SSBP3: variants seen among roughly 807,000 people sequenced by gnomAD.
The protein encoded by SSBP3 is single-stranded DNA-binding protein 3.
A neutral mutation model predicts 69.6 loss-of-function variants in SSBP3; 5 were observed. The ratio of observed to expected loss-of-function variants is 0.07; its 90% CI spans 0.04 to 0.15. The LOEUF is 0.15. SSBP3 is among the 10% of genes least tolerant of loss of function. SSBP3 has a pLI of 1.00. For synonymous variants in SSBP3, 196 were observed against 193.4 expected, an observed-to-expected ratio of 1.01 and a Z score of -0.11; for missense variants, 312 against 534.0, an observed-to-expected ratio of 0.58 and a Z score of 4.10.
At chr1:54,379,441 A>ACCAGGCTC (rs1304199905) in intron 4 of SSBP3, among the ~76,000 whole-genome samples, 21 of 152,338 alleles carry the variant, frequency 1.4e-4, no homozygotes, top group African/African-American at 4.1e-4. Flanking sequence ...GGTGAGGTCG[A>ACCAGGCTC]CCAGGCTCCC....
intron 4 of SSBP3, among the ~76,000 whole-genome samples, chr1:54,389,633 A>G: frequency 6.6e-6 from 1 of 152,132 alleles, no homozygotes; most frequent in East Asian, 1.9e-4. Flanking sequence ...CCGAGGCAGG[A>G]GACTGCTTGA....
At position 54,332,739 on chromosome 1, in the gene SSBP3, G is replaced by A. The variant is rs553096076; in HGVS notation, c.277-51212C>T. On this transcript the variant is annotated intron_variant, in intron 4 of 17. Transcript: ENST00000610401. ...CTGTCTGCCCTGGCTTAGGGAGAAA[G>A]ATAAAAAAAACGGACTTGCTCCCTT... Among the ~76,000 whole-genome samples the A allele has an allele frequency of 1.3e-3, 198 of 150,568 alleles. 3 individuals carry two copies. The highest frequency in any genetic ancestry group is 4.8e-3 in the African/African-American group (192 of 40,144).
chr1:54,404,730 A>G (rs1183702070), intron 2 of SSBP3, 93 bp from the exon 3 acceptor site: 3 of 1,459,802 alleles, frequency 2.1e-6, no homozygotes, highest in East Asian at 4.6e-5. Context: ...ACCAACTAAC[A>G]ATAAATGCCA....
chr1:54,386,989 G>A (rs1270424326), intron 4 of SSBP3, among the ~76,000 whole-genome samples: 7 of 152,062 alleles, frequency 4.6e-5, no homozygotes, highest in Non-Finnish European at 8.8e-5. Flanking sequence ...CCTCCACACC[G>A]GGGCACCTCA....
At chr1:54,272,285 C>A (rs1214907971) in intron 5 of SSBP3, among the ~76,000 whole-genome samples, 1 of 152,028 alleles carries the variant, frequency 6.6e-6, no homozygotes, top group African/African-American at 2.4e-5. Context: ...GCTGGAATGG[C>A]CTCTGACCCC....
At chr1:54,327,622 G>A (rs997292287) in intron 4 of SSBP3, among the ~76,000 whole-genome samples, 7 of 152,088 alleles carry the variant, frequency 4.6e-5, no homozygotes, top group East Asian at 1.9e-4. Context: ...CTGGGGACTC[G>A]GTAGGCAACA....
chr1:54,233,971 C>T (rs1487275048), intron 14 of SSBP3, among the ~76,000 whole-genome samples: 1 of 152,196 alleles, frequency 6.6e-6, no homozygotes, highest in Non-Finnish European at 1.5e-5. Context: ...AGAAAGTAGA[C>T]ATGGGAGACT....
chr1:54,392,018 G>A (rs1648536620), intron 4 of SSBP3, among the ~76,000 whole-genome samples: 1 of 152,134 alleles, frequency 6.6e-6, no homozygotes, highest in African/African-American at 2.4e-5. Context: ...TGCGCTCTCA[G>A]GCCCTCTCCT....
rs543552672 is a variant in SSBP3, at chr1:54,305,120, A to G, written c.277-23593T>C. 1.8e-4 allele frequency among the ~76,000 whole-genome samples: 27 copies of G among 152,306 alleles called. No individual in the cohort carries two copies. In the South Asian group the frequency reaches 4.8e-3, roughly 27 times the overall value. Reference sequence around the variant, plus strand: ...GGCGTGGGAGGCCAGGCCAGGGGTAACTAACTTCAGCTTTGCCATCGCTAG... The same window carrying G: ...GGCGTGGGAGGCCAGGCCAGGGGTAGCTAACTTCAGCTTTGCCATCGCTAG... On this transcript the variant is annotated intron_variant, in intron 4 of 17. Transcript: ENST00000610401.
chr1:54,345,541 A>G (rs950912605), intron 4 of SSBP3, among the ~76,000 whole-genome samples: 3 of 152,182 alleles, frequency 2.0e-5, no homozygotes, highest in Non-Finnish European at 2.9e-5. Context: ...GCAGAAAAGA[A>G]AAGCCTTCCG....
At chr1:54,309,233 AC>A (rs1000994611) in intron 4 of SSBP3, among the ~76,000 whole-genome samples, 2 of 152,206 alleles carry the variant, frequency 1.3e-5, no homozygotes, top group African/African-American at 4.8e-5. Flanking sequence ...GGACTGAAGG[AC>A]TGAGGCATGA....
At chr1:54,360,016 C>A (rs898502489) in intron 4 of SSBP3, among the ~76,000 whole-genome samples, 1 of 152,196 alleles carries the variant, frequency 6.6e-6, no homozygotes, top group African/African-American at 2.4e-5. Context: ...TTGCAAAATT[C>A]TTAGGACCTA....
At chr1:54,350,113 T>A (rs775746795) in intron 4 of SSBP3, among the ~76,000 whole-genome samples, 1 of 152,134 alleles carries the variant, frequency 6.6e-6, no homozygotes, top group Non-Finnish European at 1.5e-5. Flanking sequence ...AGTAGGAGCA[T>A]CCACGTGAAA....
chr1:54,240,067 TGTGTGTGTGTGTGTGTGTGTGC>T lies in SSBP3; in HGVS notation c.856+816_856+837del, dbSNP rs1255813434. 1.2e-3 allele frequency among the ~76,000 whole-genome samples: 34 copies of T among 29,114 alleles called. 1 individual carries two copies. Among genetic ancestry groups the T allele is most frequent in the Middle Eastern group, 0.014 (1 of 72 alleles). The allele number at this position is 29,114 out of a possible 152,430, so 19.1% of individuals were successfully genotyped here. A position where few individuals can be genotyped will look rare whatever the true frequency, so the allele number is the denominator to read the frequency against. On this transcript the variant is annotated intron_variant, in intron 13 of 17. Coordinates refer to ENST00000610401, the Ensembl canonical transcript of SSBP3. ...GATGGGGTGTGTGTGTGTGTGTGTG[TGTGTGTGTGTGTGTGTGTGTGC>T]GCGCGCGCGCGTGTGCGTGCGCGCG...
chr1:54,316,431 A>C (rs1022244980), intron 4 of SSBP3, among the ~76,000 whole-genome samples: 1 of 149,530 alleles, frequency 6.7e-6, no homozygotes, highest in Admixed American at 6.6e-5. Flanking sequence ...TGAGGTCAGG[A>C]GATCGAGACC....
At chr1:54,315,491 AAG>A (rs1646079223) in intron 4 of SSBP3, among the ~76,000 whole-genome samples, 1 of 152,190 alleles carries the variant, frequency 6.6e-6, no homozygotes, top group Non-Finnish European at 1.5e-5. Context: ...CAAGCAAAAA[AAG>A]AGATTCTTCA....
upstream of SSBP3, among the ~76,000 whole-genome samples, chr1:54,408,578 C>T (rs892401884): frequency 1.3e-5 from 2 of 152,182 alleles, no homozygotes; most frequent in African/African-American, 4.8e-5. Flanking sequence ...AGGACTCAAC[C>T]AGATTGGCCA....
intron 4 of SSBP3, among the ~76,000 whole-genome samples, chr1:54,340,799 C>T (rs1409465002): frequency 6.6e-6 from 1 of 152,184 alleles, no homozygotes. Flanking sequence ...CCCATACCAG[C>T]CCAGAGGGCT....
intron 4 of SSBP3, among the ~76,000 whole-genome samples, chr1:54,368,687 T>A (rs7545834): frequency 3.3e-5 from 5 of 152,042 alleles, no homozygotes; most frequent in Admixed American, 1.3e-4. Flanking sequence ...CTAAAGAAGC[T>A]GCTTCACTCT....
Sources: gnomAD v4.1 joint callset for allele counts (sites outside exome capture counted in the v4.1 genomes callset) on GRCh38, gnomAD v4.1.1 for gene constraint, MANE v1.5 for transcripts, NCBI Gene and HGNC (gene_info 2026-07-23, HGNC 2026-07-21) for gene names.